MAP3K7CL: variants seen among roughly 807,000 people sequenced by gnomAD.
MAP3K7CL encodes the protein MAP3K7 C-terminal-like protein.
In MAP3K7CL, 16 loss-of-function variants were observed where a neutral mutation model predicts 18.6. The observed-to-expected ratio is 0.86, with a 90% CI of 0.58 to 1.31. The LOEUF is 1.31. Ranked by LOEUF, MAP3K7CL falls within the 50% of genes most tolerant of loss-of-function variation. The pLI, the probability that MAP3K7CL is intolerant of heterozygous loss-of-function variation, is 0.00. For missense variants in MAP3K7CL, 163 were observed against 174.4 expected, an observed-to-expected ratio of 0.93 and a Z score of 0.37; for synonymous variants, 65 against 66.8, an observed-to-expected ratio of 0.97 and a Z score of 0.13.
chr21:29,097,274 A>G (rs1230979926), intron 4 of MAP3K7CL, among the ~76,000 whole-genome samples: 1 of 152,162 alleles, frequency 6.6e-6, no homozygotes, highest in African/African-American at 2.4e-5. Flanking sequence ...TAACTGCAGC[A>G]TAGATGGTAA....
upstream of MAP3K7CL, chr21:29,130,544 A>G: frequency 1.1e-6 from 1 of 941,154 alleles, no homozygotes; most frequent in Non-Finnish European, 1.3e-6. Context: ...GTTTGCCAGG[A>G]CTAATGAATT....
intron 4 of MAP3K7CL, among the ~76,000 whole-genome samples, chr21:29,095,863 A>T (rs1161675496): frequency 1.3e-5 from 2 of 152,252 alleles, no homozygotes; most frequent in Admixed American, 6.5e-5. Flanking sequence ...TAACAATTTC[A>T]TTTAAAGAAT....
At chr21:29,121,563 T>A (rs888180593) in intron 4 of MAP3K7CL, among the ~76,000 whole-genome samples, 3 of 152,184 alleles carry the variant, frequency 2.0e-5, no homozygotes, top group African/African-American at 7.2e-5. Context: ...GGAGGTTTGG[T>A]TGGCATTTGG....
chr21:29,132,075 A>C (rs180874192), intron 1 of MAP3K7CL, among the ~76,000 whole-genome samples: 1 of 152,348 alleles, frequency 6.6e-6, no homozygotes, highest in East Asian at 1.9e-4. Flanking sequence ...CATGAGAAGG[A>C]AAGTAGAGGG....
At chr21:29,088,106 G>A (rs1462062301) in intron 1 of MAP3K7CL, among the ~76,000 whole-genome samples, 1 of 152,158 alleles carries the variant, frequency 6.6e-6, no homozygotes, top group Non-Finnish European at 1.5e-5. Context: ...GCTCCAAAGT[G>A]TATGTCTCTG....
chr21:29,078,943 T>C (rs1324975274), intron 1 of MAP3K7CL, among the ~76,000 whole-genome samples: 1 of 152,242 alleles, frequency 6.6e-6, no homozygotes, highest in Non-Finnish European at 1.5e-5. Context: ...AGACCGTTTA[T>C]TCATTACATA....
chr21:29,115,526 C>T (rs2086490729), intron 4 of MAP3K7CL, among the ~76,000 whole-genome samples: 1 of 152,192 alleles, frequency 6.6e-6, no homozygotes, highest in Non-Finnish European at 1.5e-5. Flanking sequence ...ACAGTCATGG[C>T]CTGGATGTGA....
At chr21:29,137,473 G>T (rs1326554371) in intron 2 of MAP3K7CL, among the ~76,000 whole-genome samples, 3 of 152,078 alleles carry the variant, frequency 2.0e-5, no homozygotes, top group African/African-American at 7.2e-5. Context: ...AGTCAAACTG[G>T]GCTTGAGGGC....
At position 29,159,038 on chromosome 21, in the gene MAP3K7CL, A is replaced by G. The variant is rs935095157; in HGVS notation, c.133-903A>G. Reference sequence around the variant, plus strand: ...TGGGTTCAAGCGATTCTCCTGCTTCAGTCTCCTAAGTAGCTGGGACTACAG... The same window carrying G: ...TGGGTTCAAGCGATTCTCCTGCTTCGGTCTCCTAAGTAGCTGGGACTACAG... On this transcript the variant is annotated intron_variant, in intron 3 of 4. Transcript: ENST00000399928. Among the ~76,000 whole-genome samples, 3 of 149,240 alleles carry G rather than the reference A, an allele frequency of 2.0e-5. No individual in the cohort carries two copies. In the Admixed American group the frequency reaches 2.0e-4, roughly 10 times the overall value.
At chr21:29,152,316 C>T (rs189387351) in intron 3 of MAP3K7CL, among the ~76,000 whole-genome samples, 1 of 152,170 alleles carries the variant, frequency 6.6e-6, no homozygotes, top group Non-Finnish European at 1.5e-5. Context: ...TACATTTAAG[C>T]CTTCTGTTGC....
At chr21:29,085,847 T>C, upstream of MAP3K7CL, 1 of 1,614,138 alleles carries the variant, frequency 6.2e-7, no homozygotes, top group East Asian at 2.2e-5. Flanking sequence ...ATTACTGTCA[T>C]GCAAAGCGAC....
rs530802438 is a variant in MAP3K7CL, at chr21:29,108,985, A to G, written c.370+16404A>G. The G allele has an allele frequency of 1.2e-5, 17 of 1,416,294 alleles. No individual in the cohort carries two copies. The African/African-American group carries it at 1.3e-4, about 11-fold the overall frequency. 87.7% of individuals were successfully genotyped at this position (1,416,294 alleles called of 1,614,324 possible). On this transcript the variant is annotated intron_variant, in intron 4 of 6. Coordinates refer to the MAP3K7CL transcript ENST00000286791. ...GAAGGTCAACTTGAATCTGAATTCA[A>G]TGTCGGCTGGACCCAAATAATTTTC...
chr21:29,132,086 T>C (rs1233624388), intron 1 of MAP3K7CL, among the ~76,000 whole-genome samples: 1 of 152,150 alleles, frequency 6.6e-6, no homozygotes, highest in Non-Finnish European at 1.5e-5. Context: ...AAGTAGAGGG[T>C]TTAGGGGAGG....
intron 4 of MAP3K7CL, chr21:29,102,447 A>AGACT (rs929341453): frequency 1.3e-5 from 2 of 151,096 alleles, no homozygotes; most frequent in African/African-American, 4.9e-5. Flanking sequence ...CAAGATATCA[A>AGACT]GACTGACTTG....
intron 3 of MAP3K7CL, among the ~76,000 whole-genome samples, chr21:29,154,016 C>T (rs1245540403): frequency 6.6e-6 from 1 of 152,172 alleles, no homozygotes; most frequent in Non-Finnish European, 1.5e-5. Flanking sequence ...ATGACCAAGG[C>T]ATGGGCATTA....
intron 4 of MAP3K7CL, among the ~76,000 whole-genome samples, chr21:29,125,457 G>C (rs2086665732): frequency 6.6e-6 from 1 of 152,156 alleles, no homozygotes; most frequent in African/African-American, 2.4e-5. Context: ...AGCTTTGGGG[G>C]CACGAATGAT....
upstream of MAP3K7CL, chr21:29,085,092 C>T (rs2085901083): frequency 6.6e-6 from 1 of 152,160 alleles, no homozygotes; most frequent in South Asian, 2.1e-4. Flanking sequence ...ACCCTTAAGC[C>T]CTTACCGGGG....
chr21:29,161,384 A>T (rs757533480), intron 4 of MAP3K7CL, among the ~76,000 whole-genome samples: 1 of 152,156 alleles, frequency 6.6e-6, no homozygotes. Context: ...TTCTGACCTC[A>T]AGCAATCCTC....
chr21:29,118,088 TA>T (rs537067980), intron 4 of MAP3K7CL, among the ~76,000 whole-genome samples: 2 of 146,214 alleles, frequency 1.4e-5, no homozygotes, highest in Non-Finnish European at 3.0e-5. Context: ...TTTTTTAAAT[TA>T]AAAAAATTTT....
Sources: gnomAD v4.1 joint callset for allele counts (sites outside exome capture counted in the v4.1 genomes callset) on GRCh38, gnomAD v4.1.1 for gene constraint, MANE v1.5 for transcripts, NCBI Gene and HGNC (gene_info 2026-07-23, HGNC 2026-07-21) for gene names.